PEBP4: variants seen among roughly 807,000 people sequenced by gnomAD.
PEBP4 encodes phosphatidylethanolamine-binding protein 4.
PEBP4 carries 22 observed loss-of-function variants against 23.9 expected under a neutral mutation model. That is an observed-to-expected ratio of 0.92 (90% CI 0.66 to 1.31). The LOEUF (loss-of-function observed/expected upper bound fraction) is 1.31. PEBP4 is among the 40% of genes most tolerant of loss of function. PEBP4 has a pLI of 0.00. For missense variants in PEBP4, 324 were observed against 281.7 expected (o/e 1.15, Z -1.07); for synonymous variants, 112 against 99.3 (o/e 1.13, Z -0.76).
intron 4 of PEBP4, among the ~76,000 whole-genome samples, chr8:22,752,971 TGTC>T (rs1167407779): frequency 1.3e-5 from 2 of 152,206 alleles, no homozygotes; most frequent in Non-Finnish European, 2.9e-5. Flanking sequence ...ATTCCTGCTA[TGTC>T]TCCTCTTTTC....
chr8:22,922,680 T>G (rs1040053111), intron 2 of PEBP4, among the ~76,000 whole-genome samples: 1 of 151,776 alleles, frequency 6.6e-6, no homozygotes, highest in African/African-American at 2.4e-5. Context: ...GAGCCATGAT[T>G]GCATCACCGC....
intron 3 of PEBP4, among the ~76,000 whole-genome samples, chr8:22,899,924 C>T (rs1293543373): frequency 1.3e-5 from 2 of 152,100 alleles, no homozygotes; most frequent in African/African-American, 4.8e-5. Flanking sequence ...TTCTCACCCG[C>T]AGTCAAGGTG....
At chr8:22,916,784 A>G (rs1032972789) in intron 3 of PEBP4, among the ~76,000 whole-genome samples, 1 of 152,248 alleles carries the variant, frequency 6.6e-6, no homozygotes, top group South Asian at 2.1e-4. Context: ...AAGACAACAC[A>G]TAGTCTTTCT....
At chr8:22,900,196 G>T (rs1808684241) in intron 3 of PEBP4, among the ~76,000 whole-genome samples, 1 of 152,178 alleles carries the variant, frequency 6.6e-6, no homozygotes, top group Non-Finnish European at 1.5e-5. Context: ...GACTTATCGG[G>T]AGGTCACGAA....
At chr8:22,858,118 A>G (rs1195976331) in intron 3 of PEBP4, among the ~76,000 whole-genome samples, 1 of 152,204 alleles carries the variant, frequency 6.6e-6, no homozygotes, top group African/African-American at 2.4e-5. Flanking sequence ...GGTCCTCTCC[A>G]TGTCCCAGTG....
chr8:22,852,358 A>G (rs531343948), intron 3 of PEBP4, among the ~76,000 whole-genome samples: 1 of 152,154 alleles, frequency 6.6e-6, no homozygotes, highest in East Asian at 1.9e-4. Flanking sequence ...CAGAGCGACC[A>G]TGCTCTGATT....
intron 4 of PEBP4, among the ~76,000 whole-genome samples, chr8:22,787,090 C>T (rs769376159): frequency 1.3e-5 from 2 of 152,198 alleles, no homozygotes; most frequent in Non-Finnish European, 2.9e-5. Context: ...CCCAAGAGTG[C>T]TGGGATTACA....
intron 3 of PEBP4, among the ~76,000 whole-genome samples, chr8:22,868,068 C>T (rs1035343429): frequency 2.6e-5 from 4 of 152,280 alleles, no homozygotes; most frequent in Non-Finnish European, 5.9e-5. Context: ...TGGCTGCCGA[C>T]AGAGTTGAAG....
At chr8:22,933,294 C>T (rs1269610709) in intron 1 of PEBP4, among the ~76,000 whole-genome samples, 1 of 152,220 alleles carries the variant, frequency 6.6e-6, no homozygotes, top group Non-Finnish European at 1.5e-5. Flanking sequence ...AGACATACAA[C>T]AGACCATCTA....
chr8:22,827,005 C>T (rs962845032), intron 3 of PEBP4, among the ~76,000 whole-genome samples: 1 of 152,152 alleles, frequency 6.6e-6, no homozygotes, highest in Non-Finnish European at 1.5e-5. Flanking sequence ...AGAAGGATGG[C>T]CTTGTCCCTT....
intron 4 of PEBP4, among the ~76,000 whole-genome samples, chr8:22,753,275 G>A (rs1489645355): frequency 6.6e-6 from 1 of 152,182 alleles, no homozygotes; most frequent in African/African-American, 2.4e-5. Flanking sequence ...TCCCTGCTCA[G>A]GAGTCAGGAG....
chr8:22,935,915 A>G (rs1243425542), intron 1 of PEBP4, among the ~76,000 whole-genome samples: 1 of 152,152 alleles, frequency 6.6e-6, no homozygotes, highest in Non-Finnish European at 1.5e-5. Context: ...TACATGCTGT[A>G]AAATAGCTAT....
intron 6 of PEBP4, 125 bp from the exon 7 acceptor site, chr8:22,713,661 G>T: frequency 7.4e-7 from 1 of 1,359,118 alleles, no homozygotes; most frequent in Non-Finnish European, 1.0e-6. Context: ...TGGCCATGGG[G>T]CGTAGTGGCT....
chr8:22,939,957 A>G (rs1048809200), intron 1 of PEBP4, among the ~76,000 whole-genome samples: 1 of 152,218 alleles, frequency 6.6e-6, no homozygotes, highest in Non-Finnish European at 1.5e-5. Flanking sequence ...CATTGCATCT[A>G]TTAATGAATC....
In PEBP4 at chr8:22,747,822, G is replaced by A. The variant is rs1055934688; in HGVS notation, c.358-20602C>T. Among the ~76,000 whole-genome samples, 8 of 152,126 alleles carry A rather than the reference G, an allele frequency of 5.3e-5. No homozygotes were observed. In the East Asian group the frequency reaches 5.8e-4, roughly 11 times the overall value. On this transcript the variant is annotated intron_variant, in intron 4 of 6. Transcript: ENST00000256404. ...TCCTCTTTGGCCATAAAAGTCTCCC[G>A]GAAAGCCTTCCCACAGAGGCCCCGG...
chr8:22,898,408 A>ACAAACAAAC (rs1563253527), intron 3 of PEBP4, among the ~76,000 whole-genome samples: 1 of 91,428 alleles, frequency 1.1e-5, no homozygotes, highest in Non-Finnish European at 2.6e-5. Flanking sequence ...AAAAAAAAAA[A>ACAAACAAAC]AAAAAAAAAA....
At chr8:22,810,581 G>A (rs563773479) in intron 4 of PEBP4, among the ~76,000 whole-genome samples, 1 of 152,104 alleles carries the variant, frequency 6.6e-6, no homozygotes, top group Non-Finnish European at 1.5e-5. Context: ...ATGAAGGAGT[G>A]CCAGGAGCCA....
chr8:22,873,622 ACT>A (rs1301452049), intron 3 of PEBP4, among the ~76,000 whole-genome samples: 1 of 152,198 alleles, frequency 6.6e-6, no homozygotes, highest in Non-Finnish European at 1.5e-5. Context: ...ACAGAGCAAC[ACT>A]CTGTCTCAAA....
intron 4 of PEBP4, among the ~76,000 whole-genome samples, chr8:22,792,701 G>T (rs1012284630): frequency 6.6e-6 from 1 of 152,096 alleles, no homozygotes; most frequent in South Asian, 2.1e-4. Flanking sequence ...TACTGATGTG[G>T]AAAGGAAGGA....
Sources: allele counts gnomAD v4.1 joint callset (sites outside exome capture counted in the v4.1 genomes callset), GRCh38; gene constraint gnomAD v4.1.1; transcripts MANE v1.5; gene names NCBI Gene and HGNC (gene_info 2026-07-23, HGNC 2026-07-21).